The following NOS1AP variants were observed in gnomAD, a reference collection of about 807,000 sequenced individuals.
NOS1AP encodes nitric oxide synthase 1 adaptor protein, also known as carboxyl-terminal PDZ ligand of neuronal nitric oxide synthase protein.
NOS1AP carries 21 observed loss-of-function variants against 56.2 expected under a neutral mutation model. The ratio of observed to expected loss-of-function variants is 0.37; its 90% CI spans 0.26 to 0.54. The LOEUF (loss-of-function observed/expected upper bound fraction) is 0.54, where lower values mean the gene tolerates loss of function less well. NOS1AP is among the 20% of genes least tolerant of loss of function. The probability of loss-of-function intolerance (pLI) is 0.84; values close to 1 mark genes in which losing one functional copy is unlikely to be tolerated. For synonymous variants in NOS1AP, 270 were observed against 274.6 expected (o/e 0.98, Z 0.17); for missense variants, 522 against 657.8 (o/e 0.79, Z 2.26).
At chr1:162,123,783 C>G (rs1426444127) in intron 1 of NOS1AP, among the ~76,000 whole-genome samples, 1 of 152,162 alleles carries the variant, frequency 6.6e-6, no homozygotes, top group East Asian at 1.9e-4. Flanking sequence ...CTTCATCTAT[C>G]TATATACACA....
intron 1 of NOS1AP, among the ~76,000 whole-genome samples, chr1:162,144,097 T>C (rs10918740): frequency 0.46 from 69,539 of 152,146 alleles, 19,541 homozygotes; most frequent in Non-Finnish European, 0.62. Flanking sequence ...GGGATCCCCG[T>C]CCATTCCTTG....
chr1:162,169,127 G>A (rs1316818431), intron 2 of NOS1AP, among the ~76,000 whole-genome samples: 4 of 152,236 alleles, frequency 2.6e-5, no homozygotes, highest in South Asian at 2.1e-4. Flanking sequence ...AGCGCCCTCC[G>A]TGCATGGGCT....
chr1:162,272,751 A>G (rs1271954041), intron 2 of NOS1AP, among the ~76,000 whole-genome samples: 3 of 152,178 alleles, frequency 2.0e-5, no homozygotes, highest in Non-Finnish European at 2.9e-5. Context: ...CAGTGTTGCT[A>G]TGGGCAGAAG....
chr1:162,142,340 C>T (rs899427862), intron 1 of NOS1AP, among the ~76,000 whole-genome samples: 8 of 152,090 alleles, frequency 5.3e-5, no homozygotes, highest in African/African-American at 1.7e-4. Flanking sequence ...TTAAATAGGA[C>T]GTGGGTTTTT....
intron 2 of NOS1AP, among the ~76,000 whole-genome samples, chr1:162,271,938 T>C (rs1447653353): frequency 6.6e-6 from 1 of 152,158 alleles, no homozygotes; most frequent in East Asian, 1.9e-4. Flanking sequence ...CAGGCTGGAG[T>C]GCAGTGGCAT....
chr1:162,264,187 G>C (rs922405394), intron 2 of NOS1AP, among the ~76,000 whole-genome samples: 3 of 152,036 alleles, frequency 2.0e-5, no homozygotes, highest in Non-Finnish European at 2.9e-5. Flanking sequence ...TCTCTCTTAG[G>C]GTAAAGGCCA....
In NOS1AP at chr1:162,355,257, G is replaced by A. The variant is rs1657664353; in HGVS notation, c.666G>A (p.Glu222=). The change falls in exon 7 of 10, where the codon GAG becomes GAA. Residue 222 remains glutamate (E), a synonymous_variant. Coordinates refer to ENST00000361897, the MANE Select transcript of NOS1AP (RefSeq NM_014697.3). ...AGGAGACTGACATCGATGCGGTGGAGGTCCCACTTCCAGGGAATGATGTCC... is the reference window on the plus strand; with the variant it reads ...AGGAGACTGACATCGATGCGGTGGAAGTCCCACTTCCAGGGAATGATGTCC... ...TAEETDIDAV[E]VPLPGNDVLE... The A allele has an allele frequency of 6.2e-7, 1 of 1,614,154 alleles. No homozygotes were observed. The highest frequency in any genetic ancestry group is 1.1e-5 in the South Asian group (1 of 91,084).
intron 4 of NOS1AP, among the ~76,000 whole-genome samples, chr1:162,314,768 G>T (rs1331458278): frequency 2.6e-5 from 4 of 152,140 alleles, no homozygotes; most frequent in African/African-American, 7.2e-5. Context: ...GAGAATTCAT[G>T]TACCCCAGAG....
chr1:162,266,021 AG>A (rs1222131846), intron 2 of NOS1AP, among the ~76,000 whole-genome samples: 1 of 152,204 alleles, frequency 6.6e-6, no homozygotes, highest in Non-Finnish European at 1.5e-5. Context: ...GAGATGACAA[AG>A]GACAAAGATG....
At chr1:162,125,322 T>TG (rs1431855656) in intron 1 of NOS1AP, among the ~76,000 whole-genome samples, 1 of 151,852 alleles carries the variant, frequency 6.6e-6, no homozygotes, top group Non-Finnish European at 1.5e-5. Context: ...TTAGTAGAGA[T>TG]GGGGTTTCAC....
chr1:162,352,749 C>T (rs1657559392), intron 6 of NOS1AP, among the ~76,000 whole-genome samples: 1 of 151,882 alleles, frequency 6.6e-6, no homozygotes, highest in African/African-American at 2.4e-5. Context: ...ATGAGGACTG[C>T]ATTCTCATGA....
At chr1:162,346,273 T>A (rs898694795) in intron 6 of NOS1AP, among the ~76,000 whole-genome samples, 1 of 152,082 alleles carries the variant, frequency 6.6e-6, no homozygotes, top group African/African-American at 2.4e-5. Context: ...AACCAAAGGA[T>A]CAGAAACAGC....
At chr1:162,178,539 G>A (rs1651143831) in intron 2 of NOS1AP, among the ~76,000 whole-genome samples, 1 of 152,124 alleles carries the variant, frequency 6.6e-6, no homozygotes, top group African/African-American at 2.4e-5. Flanking sequence ...CACTTTATAG[G>A]TGAGGAGACT....
At chr1:162,283,396 T>C (rs569683696) in intron 2 of NOS1AP, among the ~76,000 whole-genome samples, 1 of 152,248 alleles carries the variant, frequency 6.6e-6, no homozygotes, top group East Asian at 1.9e-4. Flanking sequence ...TGTTGCAGAC[T>C]TCTGGCTTCC....
chr1:162,110,429 T>A (rs1330893301), intron 1 of NOS1AP, among the ~76,000 whole-genome samples: 3 of 152,246 alleles, frequency 2.0e-5, no homozygotes, highest in Non-Finnish European at 4.4e-5. Context: ...CAAACATGAT[T>A]CAAATACATG....
At chr1:162,171,385 G>A (rs983124549) in intron 2 of NOS1AP, among the ~76,000 whole-genome samples, 1 of 152,116 alleles carries the variant, frequency 6.6e-6, no homozygotes, top group Non-Finnish European at 1.5e-5. Flanking sequence ...TATTGGAAAG[G>A]GTTATGTAAC....
At chr1:162,227,592 G>T (rs1482996423) in intron 2 of NOS1AP, among the ~76,000 whole-genome samples, 3 of 152,164 alleles carry the variant, frequency 2.0e-5, no homozygotes, top group African/African-American at 7.2e-5. Flanking sequence ...CCATGGCCCA[G>T]GAAGGAAGCA....
intron 4 of NOS1AP, among the ~76,000 whole-genome samples, chr1:162,310,256 T>C (rs775502462): frequency 4.6e-5 from 7 of 152,246 alleles, no homozygotes; most frequent in Non-Finnish European, 8.8e-5. Flanking sequence ...TTATGATATA[T>C]ACATGTCTCT....
chr1:162,101,313 A>G (rs1314309021), intron 1 of NOS1AP, among the ~76,000 whole-genome samples: 1 of 152,158 alleles, frequency 6.6e-6, no homozygotes, highest in Non-Finnish European at 1.5e-5. Context: ...TTCTTGTACC[A>G]GTACCATGCT....
Sources: allele counts gnomAD v4.1 joint callset (sites outside exome capture counted in the v4.1 genomes callset), GRCh38; gene constraint gnomAD v4.1.1; transcripts MANE v1.5; gene names NCBI Gene and HGNC (gene_info 2026-07-23, HGNC 2026-07-21).